The following MUC5AC variants were observed in gnomAD, a reference collection of about 807,000 sequenced individuals.
MUC5AC encodes the protein mucin 5AC, oligomeric mucus/gel-forming.
In MUC5AC, 158 loss-of-function variants were observed where a neutral mutation model predicts 169.7. The observed-to-expected ratio is 0.93, with a 90% CI of 0.82 to 1.06. The LOEUF is 1.06. MUC5AC is among the 50% of genes least tolerant of loss of function. The pLI is 0.00. For synonymous variants in MUC5AC, 1,975 were observed against 1,237.0 expected (o/e 1.60, Z -12.52); for missense variants, 4,359 against 3,089.9 (o/e 1.41, Z -9.74).
Position 1,186,938 on chromosome 11 carries a change from C to T in MUC5AC, c.8793C>T (p.Ser2931=). 1.4e-6 allele frequency: 1 copy of T among 726,498 alleles called. No individual in the cohort carries two copies. The highest frequency in any genetic ancestry group is 2.5e-6 in the Non-Finnish European group (1 of 398,296). The allele number at this position is 726,498 out of a possible 1,614,324, so 45.0% of individuals were successfully genotyped here. Residue 2931 remains serine, a synonymous_variant, in exon 31 of 49, where the codon AGC becomes AGT. Coordinates refer to ENST00000621226, the MANE Select transcript of MUC5AC (RefSeq NM_001304359.2). The part of the protein sequence containing the change: ...TSSTTSATTT[S]TISVPTTSTT... ...GCACAACCTCAGCTACTACAACCAG[C>T]ACAATCTCTGTTCCTACAACCAGCA...
intron 45 of MUC5AC, 80 bp downstream of exon 45, chr11:1,199,265 G>A: frequency 1.4e-6 from 1 of 703,448 alleles, no homozygotes; most frequent in Non-Finnish European, 2.6e-6. Context: ...TGCCAGGCAT[G>A]CGTCTGGCAG....
In MUC5AC at chr11:1,185,772, G is replaced by T. The variant is rs1230956188; in HGVS notation, c.7627G>T (p.Ala2543Ser). ...TGTTCCCACCACCAGCACAACCTCTGCTCCTACAACCAGCACAACCTCTGC... is the reference window on the plus strand; with the variant it reads ...TGTTCCCACCACCAGCACAACCTCTTCTCCTACAACCAGCACAACCTCTGC... ...SPVPTTSTTS[A>S]PTTSTTSAPI... is the part of the protein sequence containing the mutation. Residue 2543 changes from alanine to serine, a missense_variant, in exon 31 of 49, where the codon GCT becomes TCT. Physicochemically the swap from Ala to Ser is moderately conservative, Grantham distance 99 (BLOSUM62 1). Transcript: ENST00000621226. 9.4e-6 allele frequency: 7 copies of T among 741,578 alleles called. No homozygotes were observed. The Admixed American group carries it at 1.1e-4, about 11-fold the overall frequency. 45.9% of individuals were successfully genotyped at this position (741,578 alleles called of 1,614,324 possible). A position where few individuals can be genotyped will look rare whatever the true frequency, so the allele number is the denominator to read the frequency against.
In MUC5AC at chr11:1,190,171, A is replaced by T. The variant is rs1861053236; in HGVS notation, c.12026A>T (p.Glu4009Val). 1.3e-6 allele frequency: 1 copy of T among 764,438 alleles called. No homozygotes were observed. The highest frequency in any genetic ancestry group is 1.7e-5 in the Admixed American group (1 of 58,856). The allele number at this position is 764,438 out of a possible 1,614,324, so 47.4% of individuals were successfully genotyped here. Residue 4009 changes from glutamate to valine, a missense_variant, in exon 31 of 49, where the codon GAG becomes GTG. Physicochemically the swap from Glu to Val is moderately radical, Grantham distance 121. Transcript: ENST00000621226. Reference sequence around the variant, plus strand: ...CAGTGCCGAGCCGAGAGCCACCCGGAGGTGAGCATCGAACACCTGGGCCAG... The same window carrying T: ...CAGTGCCGAGCCGAGAGCCACCCGGTGGTGAGCATCGAACACCTGGGCCAG... The part of the protein sequence containing the change: ...RLQCRAESHP[E>V]VSIEHLGQVV...
chr11:1,188,620 C>A lies in MUC5AC; in HGVS notation c.10475C>A (p.Thr3492Asn). 2.6e-6 allele frequency: 2 copies of A among 765,068 alleles called. No individual in the cohort carries two copies. The highest frequency in any genetic ancestry group is 2.4e-5 in the East Asian group (1 of 41,246). 47.4% of individuals were successfully genotyped at this position (765,068 alleles called of 1,614,324 possible). ...SGTTPSPVTT[T>N]STASVSKTST... ...ACTACTCCCAGCCCTGTTACCACCA[C>A]CAGCACAGCCTCTGTTTCAAAGACC... The change falls in exon 31 of 49, where the codon ACC (threonine) becomes AAC (asparagine). Residue 3492 changes from threonine to asparagine, a missense_variant. Thr to Asn is a moderately conservative substitution (Grantham distance 65, BLOSUM62 0). Coordinates refer to ENST00000621226, the MANE Select transcript of MUC5AC (RefSeq NM_001304359.2).
rs1299754513 is a variant in MUC5AC at position 1,184,641 on chromosome 11, C to T, written c.6496C>T (p.Arg2166Ter). ...RPEEITRLQC[R>*]AKSHPEVSIE... ...TGAGGAGATCACCAGGCTCCAGTGCCGAGCCAAGAGCCACCCAGAGGTGAG... is the reference window on the plus strand; with the variant it reads ...TGAGGAGATCACCAGGCTCCAGTGCTGAGCCAAGAGCCACCCAGAGGTGAG... Residue 2166 changes from arginine to a stop codon, truncating the protein, a stop_gained, in exon 31 of 49, where the codon CGA (arginine) becomes TGA (stop). Coordinates refer to ENST00000621226, the MANE Select transcript of MUC5AC (RefSeq NM_001304359.2). LOFTEE classifies it high-confidence loss of function. 12 of 653,142 alleles carry T rather than the reference C, an allele frequency of 1.8e-5. No homozygotes were observed. The highest frequency in any genetic ancestry group is 7.2e-5 in the Admixed American group (3 of 41,880). The allele number at this position is 653,142 out of a possible 1,614,324, so 40.5% of individuals were successfully genotyped here.
chr11:1,191,700 AC>A lies in MUC5AC; in HGVS notation c.13557del (p.Ser4520AlafsTer165), dbSNP rs1861105739. ...PGTTPSPVPT[T>X]STTSAPTTST... ...AACTACTCCCAGCCCTGTTCCCACC[AC>A]CAGCACAACCTCTGCTCCTACAACC... On this transcript the variant is annotated frameshift_variant, in exon 31 of 49. Coordinates refer to ENST00000621226, the MANE Select transcript of MUC5AC (RefSeq NM_001304359.2). LOFTEE classifies it high-confidence loss of function. 1.8e-6 allele frequency: 1 copy of A among 566,202 alleles called. No individual in the cohort carries two copies. Among genetic ancestry groups the A allele is most frequent in the Non-Finnish European group, 3.4e-6 (1 of 297,410 alleles). The allele number at this position is 566,202 out of a possible 1,614,324, so 35.1% of individuals were successfully genotyped here. A position where few individuals can be genotyped will look rare whatever the true frequency, so the allele number is the denominator to read the frequency against.
chr11:1,188,314 C>T lies in MUC5AC; in HGVS notation c.10169C>T (p.Thr3390Ile). 1.4e-6 allele frequency: 1 copy of T among 695,266 alleles called. No individual in the cohort carries two copies. The highest frequency in any genetic ancestry group is 2.7e-5 in the East Asian group (1 of 37,350). 43.1% of individuals were successfully genotyped at this position (695,266 alleles called of 1,614,324 possible). A position where few individuals can be genotyped will look rare whatever the true frequency, so the allele number is the denominator to read the frequency against. The part of the protein sequence containing the change: ...TSTTSAPTTS[T>I]TSAPTTSTTS... ...ACAACCTCTGCTCCCACAACCAGCA[C>T]AACTTCTGCCCCTACAACCAGCACA... Residue 3390 changes from threonine to isoleucine, a missense_variant, in exon 31 of 49, where the codon ACA (threonine) becomes ATA (isoleucine). Transcript: ENST00000621226.
intron 26 of MUC5AC, among the ~76,000 whole-genome samples, 171 bp from the exon 27 acceptor site, chr11:1,179,851 C>T (rs954082072): frequency 8.5e-5 from 13 of 152,314 alleles, no homozygotes; most frequent in Admixed American, 1.3e-4. Context: ...TGGCAGCCTC[C>T]GTGGCACCCT....
intron 40 of MUC5AC, 60 bp downstream of exon 40, chr11:1,196,968 C>T (rs1452732131): frequency 2.7e-6 from 2 of 730,452 alleles, no homozygotes; most frequent in Admixed American, 1.9e-5. Context: ...GAGGGAGGCT[C>T]TTGAAACACC....
At chr11:1,174,099 A>AT (rs1192406115) in intron 16 of MUC5AC, among the ~76,000 whole-genome samples, 2 of 152,138 alleles carry the variant, frequency 1.3e-5, no homozygotes, top group African/African-American at 4.8e-5. Flanking sequence ...TGTTTATGGC[A>AT]TTTTTCTTGC....
intron 48 of MUC5AC, 109 bp downstream of exon 48, chr11:1,200,078 G>GAC: frequency 1.6e-6 from 1 of 619,882 alleles, no homozygotes; most frequent in Admixed American, 2.8e-5. Flanking sequence ...TGAGGGGCCA[G>GAC]GCAAAGGGCT....
At position 1,180,454 on chromosome 11, in the gene MUC5AC, C is replaced by T. The variant is rs1353877799; in HGVS notation, c.3714C>T (p.His1238=). ...CPTPPLPPRC[H]VHGKSYRPGA... is the part of the protein sequence containing the mutation. ...CCCCGCCTCTGCCACCACGGTGCCA[C>T]GTCCATGGGAAGTCCTACCGGCCAG... The change falls in exon 28 of 49, where the codon CAC becomes CAT. Residue 1238 remains histidine, a synonymous_variant. Transcript: ENST00000621226. 7.5e-6 allele frequency: 3 copies of T among 398,898 alleles called. No homozygotes were observed. The highest frequency in any genetic ancestry group is 2.1e-5 in the African/African-American group (1 of 48,770). 24.7% of individuals were successfully genotyped at this position (398,898 alleles called of 1,614,324 possible).
At chr11:1,178,759 G>C (rs1176517461) in intron 25 of MUC5AC, 76 bp downstream of exon 25, 1 of 791,176 alleles carries the variant, frequency 1.3e-6, no homozygotes, top group Admixed American at 4.2e-5. Context: ...AGGGAGAAGG[G>C]AATGGGGTCT....
rs2133714814 is a variant in MUC5AC, at chr11:1,161,993, C to T, written c.298C>T (p.Pro100Ser). Reference sequence around the variant, plus strand: ...CTTCGACGGCGACGTCTTCCGCTTCCCCGGCCTCTGCAACTACGTGTTCTC... The same window carrying T: ...CTTCGACGGCGACGTCTTCCGCTTCTCCGGCCTCTGCAACTACGTGTTCTC... Reference protein sequence around the residue: ...KTFDGDVFRFPGLCNYVFSEH... With the variant: ...KTFDGDVFRFSGLCNYVFSEH... Residue 100 changes from proline to serine, a missense_variant, in exon 4 of 49, where the codon CCC becomes TCC. By Grantham distance (74) the Pro-to-Ser change is moderately conservative. Coordinates refer to ENST00000621226, the MANE Select transcript of MUC5AC (RefSeq NM_001304359.2). The T allele has an allele frequency of 1.9e-6, 3 of 1,612,538 alleles. No individual in the cohort carries two copies. Among genetic ancestry groups the T allele is most frequent in the Non-Finnish European group, 2.5e-6 (3 of 1,179,774 alleles).
chr11:1,181,034 A>T, intron 28 of MUC5AC, 105 bp from the exon 29 acceptor site: 1 of 397,206 alleles, frequency 2.5e-6, no homozygotes. Flanking sequence ...AGGGAACTCC[A>T]CCCCTGTCGG....
chr11:1,167,769 G>C (rs1860377957), intron 11 of MUC5AC, 108 bp from the exon 12 acceptor site: 1 of 909,998 alleles, frequency 1.1e-6, no homozygotes, highest in Non-Finnish European at 1.7e-6. Flanking sequence ...GGATGGTGGA[G>C]TGGGGTTTTC....
intron 19 of MUC5AC, among the ~76,000 whole-genome samples, chr11:1,175,768 G>A (rs1308902873): frequency 1.1e-4 from 12 of 106,354 alleles, no homozygotes; most frequent in African/African-American, 2.6e-4. Flanking sequence ...TCATGCACAC[G>A]CTCACACACC....
chr11:1,165,281 A>G, intron 9 of MUC5AC, 21 bp from the exon 10 acceptor site: 1 of 1,603,242 alleles, frequency 6.2e-7, no homozygotes, highest in Non-Finnish European at 8.5e-7. Context: ...CGCCCGTCAT[A>G]GGCCTGCCTG....
At chr11:1,195,747 C>T (rs931815470) in intron 36 of MUC5AC, 129 bp from the exon 37 acceptor site, 42 of 491,048 alleles carry the variant, frequency 8.6e-5, no homozygotes, top group South Asian at 5.5e-4. Flanking sequence ...TACAGGAGGG[C>T]GGCCACACAC....
Sources: allele counts gnomAD v4.1 joint callset (sites outside exome capture counted in the v4.1 genomes callset), GRCh38; gene constraint gnomAD v4.1.1; transcripts MANE v1.5; gene names NCBI Gene and HGNC (gene_info 2026-07-23, HGNC 2026-07-21).